COG5: variants seen among roughly 807,000 people sequenced by gnomAD.
COG5 encodes the protein conserved oligomeric Golgi complex subunit 5.
COG5 carries 86 observed loss-of-function variants against 110.4 expected under a neutral mutation model. The observed-to-expected ratio is 0.78, with a 90% CI of 0.65 to 0.93. The LOEUF (loss-of-function observed/expected upper bound fraction) is 0.93. Among genes scored for constraint, COG5 ranks in the 40% least tolerant of loss-of-function variants. COG5 has a pLI of 0.00. For missense variants in COG5, 1,077 were observed against 987.0 expected, an observed-to-expected ratio of 1.09 and a Z score of -1.22; for synonymous variants, 360 against 334.6, an observed-to-expected ratio of 1.08 and a Z score of -0.83.
At chr7:107,522,215 T>A (rs1170459213) in intron 6 of COG5, among the ~76,000 whole-genome samples, 2 of 152,186 alleles carry the variant, frequency 1.3e-5, no homozygotes, top group Non-Finnish European at 2.9e-5. Context: ...ACGCCTGTAA[T>A]CCCAGCACTT....
chr7:107,388,471 C>T (rs576107451), intron 7 of COG5, among the ~76,000 whole-genome samples: 1 of 152,300 alleles, frequency 6.6e-6, no homozygotes, highest in African/African-American at 2.4e-5. Context: ...ACAGGCATCC[C>T]ATATAACTCC....
chr7:107,406,846 T>C (rs1020073334), intron 7 of COG5, among the ~76,000 whole-genome samples: 2 of 152,168 alleles, frequency 1.3e-5, no homozygotes, highest in East Asian at 3.8e-4. Context: ...AAACATGTCA[T>C]AGATGCAAAA....
chr7:107,333,913 G>A (rs996114343), intron 10 of COG5, among the ~76,000 whole-genome samples: 35 of 152,176 alleles, frequency 2.3e-4, no homozygotes, highest in African/African-American at 7.9e-4. Flanking sequence ...GGTGTTAAAG[G>A]TTGATTAATA....
At chr7:107,437,539 ATACT>A (rs1200110961) in intron 6 of COG5, among the ~76,000 whole-genome samples, 3 of 152,152 alleles carry the variant, frequency 2.0e-5, no homozygotes, top group African/African-American at 4.8e-5. Flanking sequence ...GCTCTTTCAG[ATACT>A]TAAAGTCCTT....
chr7:107,526,288 A>G (rs1029682094), intron 6 of COG5, among the ~76,000 whole-genome samples: 2 of 152,236 alleles, frequency 1.3e-5, no homozygotes, highest in African/African-American at 4.8e-5. Context: ...GTACCCAGTG[A>G]AAAGAAGAAA....
At chr7:107,463,943 C>T (rs945757791) in intron 6 of COG5, among the ~76,000 whole-genome samples, 1 of 152,104 alleles carries the variant, frequency 6.6e-6, no homozygotes, top group African/African-American at 2.4e-5. Flanking sequence ...TACCTTGACA[C>T]CTACTGTGCT....
chr7:107,215,615 G>T (rs1799466916), intron 19 of COG5, among the ~76,000 whole-genome samples: 1 of 151,968 alleles, frequency 6.6e-6, no homozygotes, highest in Non-Finnish European at 1.5e-5. Flanking sequence ...AGTGAGCCAA[G>T]ATTGTACCAC....
intron 5 of COG5, among the ~76,000 whole-genome samples, chr7:107,535,204 A>G (rs575868514): frequency 1.3e-5 from 2 of 151,724 alleles, no homozygotes; most frequent in Non-Finnish European, 2.9e-5. Flanking sequence ...CTAAATGCCC[A>G]CAGGAGAAAG....
intron 7 of COG5, among the ~76,000 whole-genome samples, 154 bp from the exon 8 acceptor site, chr7:107,372,914 T>G (rs556825025): frequency 6.6e-6 from 1 of 151,708 alleles, no homozygotes; most frequent in African/African-American, 2.4e-5. Flanking sequence ...AAAACACATT[T>G]TGAAGTGAAG....
chr7:107,378,610 G>A (rs748447541), intron 7 of COG5, among the ~76,000 whole-genome samples: 27 of 152,120 alleles, frequency 1.8e-4, no homozygotes, highest in African/African-American at 2.7e-4. Context: ...AACACAGCAC[G>A]AGAACTTCAT....
intron 7 of COG5, among the ~76,000 whole-genome samples, chr7:107,373,539 T>C (rs1163328808): frequency 6.6e-6 from 1 of 152,106 alleles, no homozygotes. Flanking sequence ...GCAGTGGTAT[T>C]AGCAAAAGTG....
intron 7 of COG5, among the ~76,000 whole-genome samples, chr7:107,411,727 G>C (rs894181819): frequency 5.3e-5 from 8 of 152,114 alleles, no homozygotes; most frequent in Admixed American, 4.6e-4. Flanking sequence ...GTACCTTCTT[G>C]ATTTAGAGGC....
At chr7:107,204,956 T>C (rs1196938405) in intron 21 of COG5, among the ~76,000 whole-genome samples, 1 of 152,202 alleles carries the variant, frequency 6.6e-6, no homozygotes, top group Non-Finnish European at 1.5e-5. Context: ...CTTAGTTCTT[T>C]TCCCCTCCTA....
chr7:107,473,686 C>T (rs934040493), intron 6 of COG5, among the ~76,000 whole-genome samples: 2 of 151,948 alleles, frequency 1.3e-5, no homozygotes, highest in African/African-American at 4.8e-5. Flanking sequence ...TTTTAAGACA[C>T]TGGGCTGAAA....
intron 1 of COG5, among the ~76,000 whole-genome samples, chr7:107,561,621 G>A (rs1004599074): frequency 2.0e-5 from 3 of 152,190 alleles, no homozygotes; most frequent in African/African-American, 4.8e-5. Flanking sequence ...GAGGGTGACT[G>A]AGTCCCCAGG....
In COG5 at chr7:107,311,764, T is replaced by A. The variant is rs964800432; in HGVS notation, c.1108+12676A>T. On this transcript the variant is annotated intron_variant, in intron 11 of 21. Coordinates refer to ENST00000297135, the MANE Select transcript of COG5 (RefSeq NM_006348.5). ...GAAGCTTTTTATATAATAGAGATAC[T>A]AATGCCTTACCTTTAGTGTTAATTA... is the stretch of plus-strand genomic sequence containing the variant. Among the ~76,000 whole-genome samples, 4 of 152,064 alleles carry A rather than the reference T, an allele frequency of 2.6e-5. No individual in the cohort carries two copies. In the East Asian group the frequency reaches 5.8e-4, roughly 22 times the overall value.
intron 11 of COG5, among the ~76,000 whole-genome samples, chr7:107,307,951 C>G (rs757634149): frequency 3.3e-5 from 5 of 152,118 alleles, no homozygotes; most frequent in Non-Finnish European, 7.4e-5. Context: ...CCACAGTTCT[C>G]TTATACTTTA....
intron 10 of COG5, among the ~76,000 whole-genome samples, chr7:107,351,778 C>T (rs10278784): frequency 0.64 from 94,528 of 147,340 alleles, 32,647 homozygotes; most frequent in African/African-American, 0.91. Context: ...CTCACACCAG[C>T]TAGAATGGCG....
rs185243828 is a variant in COG5, at chr7:107,280,069, C to A, written c.1575+1231G>T. On this transcript the variant is annotated intron_variant, in intron 14 of 21. Transcript: ENST00000297135. ...GCATTGTCAGTAATTACACTATACT[C>A]TACTAGATATAACACTGAATTTTAT... 8.7e-4 allele frequency among the ~76,000 whole-genome samples: 133 copies of A among 152,074 alleles called. 1 individual carries two copies. The highest frequency in any genetic ancestry group is 3.1e-3 in the African/African-American group (128 of 41,506).
Sources: allele counts gnomAD v4.1 joint callset (sites outside exome capture counted in the v4.1 genomes callset), GRCh38; gene constraint gnomAD v4.1.1; transcripts MANE v1.5; gene names NCBI Gene and HGNC (gene_info 2026-07-23, HGNC 2026-07-21).